The following VPS13C variants were observed in gnomAD, a reference collection of about 807,000 sequenced individuals.
VPS13C encodes intermembrane lipid transfer protein VPS13C.
Under a neutral mutation model 456.8 loss-of-function variants are expected in VPS13C, and 358 were observed. The observed-to-expected ratio is 0.78, with a 90% CI of 0.72 to 0.86. The LOEUF (loss-of-function observed/expected upper bound fraction) is 0.86, where lower values mean the gene tolerates loss of function less well. Among genes scored for constraint, VPS13C ranks in the 40% least tolerant of loss-of-function variants. The probability of loss-of-function intolerance (pLI) is 0.00; values close to 1 mark genes in which losing one functional copy is unlikely to be tolerated. For missense variants in VPS13C, 4,818 were observed against 4,385.4 expected, an observed-to-expected ratio of 1.10 and a Z score of -2.79; for synonymous variants, 1,578 against 1,486.7, an observed-to-expected ratio of 1.06 and a Z score of -1.41.
intron 8 of VPS13C, among the ~76,000 whole-genome samples, chr15:62,021,332 A>G (rs1435783209): frequency 6.6e-6 from 1 of 151,980 alleles, no homozygotes; most frequent in Non-Finnish European, 1.5e-5. Context: ...AATATGAACT[A>G]TCTCTTTAAG....
intron 5 of VPS13C, among the ~76,000 whole-genome samples, chr15:62,030,412 G>GCTT (rs1388472536): frequency 1.3e-5 from 2 of 152,038 alleles, no homozygotes; most frequent in Non-Finnish European, 2.9e-5. Context: ...TGACAGGCCT[G>GCTT]CTTCCAATTC....
Position 62,010,628 on chromosome 15 carries a change from T to C in VPS13C, c.884-29A>G, listed in dbSNP as rs79171649. The C allele has an allele frequency of 0.024, 37,386 of 1,579,052 alleles. 559 individuals are homozygous for C. The highest frequency in any genetic ancestry group is 0.077 in the East Asian group (3,354 of 43,534). The stretch of plus-strand genomic sequence containing the variant: ...ACATCACATGGGAAGACATAAGATA[T>C]GTTCATATGCTTTTACATATAAACA... On this transcript the variant is annotated intron_variant, in intron 12 of 84. Transcript: ENST00000644861.
intron 4 of VPS13C, among the ~76,000 whole-genome samples, 187 bp from the exon 5 acceptor site, chr15:62,033,729 T>A (rs530639624): frequency 2.6e-5 from 4 of 151,418 alleles, no homozygotes; most frequent in Admixed American, 1.3e-4. Context: ...AAAACTGAAA[T>A]ACAAAAAGAA....
intron 1 of VPS13C, among the ~76,000 whole-genome samples, chr15:62,056,517 C>T (rs779250479): frequency 1.3e-5 from 2 of 152,110 alleles, no homozygotes; most frequent in Non-Finnish European, 2.9e-5. Context: ...GGTGGTCTAG[C>T]GGTAGCGAAA....
chr15:61,898,483 A>G lies in VPS13C; in HGVS notation c.9106-8083T>C, dbSNP rs1278715522. ...CTCTGATAAAACAGACTTTAAACCA[A>G]CAAAGATCAAAAGAGACAAAGAAGG... On this transcript the variant is annotated intron_variant, in intron 66 of 84. Coordinates refer to ENST00000644861, the MANE Select transcript of VPS13C (RefSeq NM_020821.3). Among the ~76,000 whole-genome samples, 3 of 152,064 alleles carry G rather than the reference A, an allele frequency of 2.0e-5. No homozygotes were observed. The East Asian group carries it at 5.8e-4, about 29-fold the overall frequency.
chr15:62,019,834 G>A (rs935257236), intron 9 of VPS13C, among the ~76,000 whole-genome samples: 2 of 151,722 alleles, frequency 1.3e-5, no homozygotes, highest in African/African-American at 4.8e-5. Context: ...TTCAATTCCT[G>A]TACTGTCCTT....
intron 5 of VPS13C, among the ~76,000 whole-genome samples, chr15:62,032,839 T>C (rs768539249): frequency 6.6e-6 from 1 of 151,796 alleles, no homozygotes; most frequent in African/African-American, 2.4e-5. Flanking sequence ...CATCACTCTA[T>C]AGACTACTCT....
intron 13 of VPS13C, 27 bp downstream of exon 13, chr15:62,010,445 A>G: frequency 6.4e-7 from 1 of 1,560,432 alleles, no homozygotes; most frequent in South Asian, 1.2e-5. Flanking sequence ...GGCTAATCAA[A>G]GCTGGAAATA....
chr15:61,971,338 T>C (rs2045546765), intron 27 of VPS13C, among the ~76,000 whole-genome samples: 1 of 152,206 alleles, frequency 6.6e-6, no homozygotes, highest in Non-Finnish European at 1.5e-5. Flanking sequence ...CTCAGCTCAC[T>C]GCAACCTTTA....
chr15:61,892,018 A>G (rs2042667655), intron 66 of VPS13C, among the ~76,000 whole-genome samples: 2 of 152,168 alleles, frequency 1.3e-5, no homozygotes, highest in Admixed American at 1.3e-4. Context: ...AATTCCTCTT[A>G]AGCTCACAAT....
intron 5 of VPS13C, among the ~76,000 whole-genome samples, chr15:62,032,902 T>C (rs2047865974): frequency 6.6e-6 from 1 of 151,826 alleles, no homozygotes; most frequent in Non-Finnish European, 1.5e-5. Flanking sequence ...TCATCAGATT[T>C]ATTTTTAGAT....
chr15:61,994,884 G>C (rs1567084988), intron 16 of VPS13C, among the ~76,000 whole-genome samples: 1 of 152,096 alleles, frequency 6.6e-6, no homozygotes, highest in East Asian at 1.9e-4. Flanking sequence ...CATCACATCG[G>C]CCTCTATTCA....
chr15:61,917,231 C>T (rs2043500261), intron 60 of VPS13C, 110 bp downstream of exon 60: 1 of 1,128,208 alleles, frequency 8.9e-7, no homozygotes, highest in Admixed American at 2.6e-5. Flanking sequence ...AGGCATTACA[C>T]ATTACACATA....
intron 84 of VPS13C, 70 bp from the exon 85 acceptor site, chr15:61,854,628 T>C: frequency 2.0e-6 from 3 of 1,496,912 alleles, no homozygotes; most frequent in Non-Finnish European, 2.8e-6. Flanking sequence ...GGGAAAGGTA[T>C]GAAAGCAAGG....
intron 42 of VPS13C, among the ~76,000 whole-genome samples, chr15:61,948,105 A>G (rs2044667004): frequency 6.6e-6 from 1 of 152,134 alleles, no homozygotes; most frequent in Admixed American, 6.5e-5. Context: ...TTTCTTTAAT[A>G]TTTGATGTAA....
At chr15:61,981,018 C>A (rs2045868837) in intron 22 of VPS13C, among the ~76,000 whole-genome samples, 1 of 152,050 alleles carries the variant, frequency 6.6e-6, no homozygotes, top group African/African-American at 2.4e-5. Context: ...TTCCTATTGT[C>A]AAATTTATAA....
At chr15:62,012,299 A>C in intron 11 of VPS13C, 135 bp from the exon 12 acceptor site, 1 of 539,796 alleles carries the variant, frequency 1.9e-6, no homozygotes, top group South Asian at 2.5e-5. Context: ...CTCTGTTACT[A>C]GTAGTCAATA....
intron 27 of VPS13C, among the ~76,000 whole-genome samples, chr15:61,970,988 G>A (rs1038747716): frequency 2.6e-5 from 4 of 151,960 alleles, no homozygotes; most frequent in South Asian, 2.1e-4. Context: ...AGCTCCATGC[G>A]GCAAGAACTT....
chr15:61,895,941 T>A (rs1488198194), intron 66 of VPS13C, among the ~76,000 whole-genome samples: 1 of 152,152 alleles, frequency 6.6e-6, no homozygotes, highest in African/African-American at 2.4e-5. Context: ...TAGTTTCATA[T>A]AGCTAGAAAA....
Sources: gnomAD v4.1 joint callset for allele counts (sites outside exome capture counted in the v4.1 genomes callset) on GRCh38, gnomAD v4.1.1 for gene constraint, MANE v1.5 for transcripts, NCBI Gene and HGNC (gene_info 2026-07-23, HGNC 2026-07-21) for gene names.